The following CWC27 variants were observed in gnomAD, a reference collection of about 807,000 sequenced individuals.
The protein encoded by CWC27 is spliceosome-associated protein CWC27 homolog.
A neutral mutation model predicts 63.6 loss-of-function variants in CWC27; 47 were observed. That is an observed-to-expected ratio of 0.74 (90% CI 0.58 to 0.94). The LOEUF is 0.94. Ranked by LOEUF, CWC27 falls within the 40% of genes least tolerant of loss-of-function variation. The pLI, the probability that CWC27 is intolerant of heterozygous loss-of-function variation, is 0.00. For missense variants in CWC27, 495 were observed against 554.3 expected (o/e 0.89, Z 1.07); for synonymous variants, 175 against 179.8 (o/e 0.97, Z 0.22).
intron 11 of CWC27, among the ~76,000 whole-genome samples, chr5:64,951,888 TTGA>T (rs1748717309): frequency 6.6e-6 from 1 of 152,020 alleles, no homozygotes; most frequent in African/African-American, 2.4e-5. Flanking sequence ...AATTTTTCAG[TTGA>T]TGCACTTCCA....
At chr5:64,810,611 T>G (rs567762377) in intron 10 of CWC27, among the ~76,000 whole-genome samples, 1 of 152,264 alleles carries the variant, frequency 6.6e-6, no homozygotes, top group Non-Finnish European at 1.5e-5. Context: ...ATCTTTTAGC[T>G]TCTTGGTTAA....
chr5:64,770,189 T>G (rs1743196393), intron 1 of CWC27, among the ~76,000 whole-genome samples: 1 of 152,242 alleles, frequency 6.6e-6, no homozygotes. Flanking sequence ...AAACCAAAAA[T>G]GCTGTAATTC....
intron 11 of CWC27, among the ~76,000 whole-genome samples, chr5:64,908,985 T>C (rs1429085204): frequency 6.6e-5 from 10 of 152,198 alleles, no homozygotes; most frequent in Non-Finnish European, 8.8e-5. Context: ...GCATCGATGG[T>C]CTTTACAATT....
At chr5:64,916,696 A>C (rs1260838382) in intron 11 of CWC27, among the ~76,000 whole-genome samples, 1 of 152,176 alleles carries the variant, frequency 6.6e-6, no homozygotes, top group Non-Finnish European at 1.5e-5. Flanking sequence ...TCAGGGGCAG[A>C]ACCTGTTATC....
chr5:64,991,379 T>C (rs1749533620), intron 13 of CWC27, among the ~76,000 whole-genome samples: 1 of 151,984 alleles, frequency 6.6e-6, no homozygotes, highest in Non-Finnish European at 1.5e-5. Flanking sequence ...TTCTGAATTC[T>C]GCTATTGTTT....
At chr5:64,826,695 G>GTTTTTTGTT (rs1329100422) in intron 10 of CWC27, among the ~76,000 whole-genome samples, 2 of 84,948 alleles carry the variant, frequency 2.4e-5, no homozygotes, top group Non-Finnish European at 2.5e-5. Context: ...TAACTTTGGT[G>GTTTTTTGTT]TTTTTTTGTT....
chr5:64,841,224 G>A (rs560946547), intron 10 of CWC27, among the ~76,000 whole-genome samples: 312 of 152,314 alleles, frequency 2.0e-3, no homozygotes, highest in Non-Finnish European at 3.7e-3. Flanking sequence ...GAAGATGGAA[G>A]ACTGAAAGAC....
intron 10 of CWC27, among the ~76,000 whole-genome samples, chr5:64,845,425 A>G (rs1248593962): frequency 6.6e-6 from 1 of 152,256 alleles, no homozygotes; most frequent in South Asian, 2.1e-4. Context: ...AGAATTTAGA[A>G]TACTACTCAT....
intron 13 of CWC27, among the ~76,000 whole-genome samples, chr5:64,986,486 G>A (rs888340354): frequency 6.6e-6 from 1 of 152,172 alleles, no homozygotes; most frequent in African/African-American, 2.4e-5. Flanking sequence ...ATATTGGTTT[G>A]TGGTTTTCTC....
At chr5:64,994,727 C>A (rs889965347) in intron 13 of CWC27, among the ~76,000 whole-genome samples, 3 of 152,128 alleles carry the variant, frequency 2.0e-5, no homozygotes, top group African/African-American at 7.2e-5. Flanking sequence ...CTAGGTTGCA[C>A]TGTATGAAGT....
intron 11 of CWC27, among the ~76,000 whole-genome samples, chr5:64,962,830 T>G (rs1485615582): frequency 6.6e-6 from 1 of 152,038 alleles, no homozygotes; most frequent in African/African-American, 2.4e-5. Context: ...TAGCTGAAAA[T>G]AAACTCACAA....
chr5:64,802,364 G>A (rs1267572635), intron 9 of CWC27, among the ~76,000 whole-genome samples: 1 of 152,188 alleles, frequency 6.6e-6, no homozygotes, highest in Non-Finnish European at 1.5e-5. Context: ...GTGGTGACAG[G>A]CCAGAGCTTC....
chr5:64,910,997 C>G (rs904583326), intron 11 of CWC27, among the ~76,000 whole-genome samples: 2 of 152,194 alleles, frequency 1.3e-5, no homozygotes, highest in Non-Finnish European at 2.9e-5. Flanking sequence ...AACCACATAC[C>G]TCAGTTGGAA....
chr5:64,818,106 T>C (rs1354302490), intron 10 of CWC27, among the ~76,000 whole-genome samples: 3 of 152,122 alleles, frequency 2.0e-5, no homozygotes, highest in Non-Finnish European at 4.4e-5. Flanking sequence ...AATTATATGA[T>C]AATTGGTGGG....
chr5:64,828,725 T>C (rs926051982), intron 10 of CWC27, among the ~76,000 whole-genome samples: 1 of 152,116 alleles, frequency 6.6e-6, no homozygotes, highest in Non-Finnish European at 1.5e-5. Flanking sequence ...GATTATTTTG[T>C]TATTGACAAC....
intron 7 of CWC27, among the ~76,000 whole-genome samples, chr5:64,799,602 A>ATATATATATATG (rs143997810): frequency 1.7e-4 from 22 of 132,886 alleles, no homozygotes; most frequent in South Asian, 2.7e-4. Flanking sequence ...ATATATATAT[A>ATATATATATATG]CTTAATAGCA....
chr5:64,966,960 G>A (rs932353459), intron 11 of CWC27, among the ~76,000 whole-genome samples: 4 of 152,008 alleles, frequency 2.6e-5, no homozygotes, highest in Non-Finnish European at 4.4e-5. Context: ...TTTGTTCAGT[G>A]AGTCTTGATG....
intron 11 of CWC27, among the ~76,000 whole-genome samples, chr5:64,934,863 G>C (rs1480103330): frequency 6.6e-6 from 1 of 152,164 alleles, no homozygotes; most frequent in Non-Finnish European, 1.5e-5. Flanking sequence ...GTGATGATGA[G>C]CTTTTTTTCA....
intron 11 of CWC27, among the ~76,000 whole-genome samples, chr5:64,910,862 C>T (rs1040719115): frequency 6.6e-6 from 1 of 152,228 alleles, no homozygotes; most frequent in Middle Eastern, 3.2e-3. Flanking sequence ...TCTGTCACAG[C>T]TTCCCTTAAC....
Sources: allele counts gnomAD v4.1 joint callset (sites outside exome capture counted in the v4.1 genomes callset), GRCh38; gene constraint gnomAD v4.1.1; transcripts MANE v1.5; gene names NCBI Gene and HGNC (gene_info 2026-07-23, HGNC 2026-07-21).